Variants in STK39 observed in about 807,000 individuals in gnomAD.
The protein encoded by STK39 is serine/threonine kinase 39.
In STK39, 20 loss-of-function variants were observed where a neutral mutation model predicts 77.8. The ratio of observed to expected loss-of-function variants is 0.26; its 90% CI spans 0.18 to 0.37. The LOEUF (loss-of-function observed/expected upper bound fraction) is 0.37, where lower values mean the gene tolerates loss of function less well. STK39 is among the 10% of genes least tolerant of loss of function. STK39 has a pLI of 1.00. For missense variants in STK39, 479 were observed against 656.5 expected (o/e 0.73, Z 2.95); for synonymous variants, 246 against 234.1 (o/e 1.05, Z -0.47).
intron 14 of STK39, among the ~76,000 whole-genome samples, chr2:168,021,048 G>A (rs1684558117): frequency 1.3e-5 from 2 of 152,086 alleles, no homozygotes; most frequent in African/African-American, 4.8e-5. Context: ...TTTATAATGT[G>A]TTTAATAATA....
intron 5 of STK39, among the ~76,000 whole-genome samples, chr2:168,146,042 T>C (rs1517330): frequency 0.41 from 62,911 of 152,058 alleles, 14,551 homozygotes; most frequent in East Asian, 0.67. Flanking sequence ...TCCAGTCCAG[T>C]CCAACTGTAG....
chr2:168,102,932 A>G (rs1460293778), intron 10 of STK39, among the ~76,000 whole-genome samples: 1 of 124,370 alleles, frequency 8.0e-6, no homozygotes, highest in Admixed American at 8.6e-5. Context: ...TCCGTCTCAA[A>G]AAAAAAAAAA....
intron 16 of STK39, among the ~76,000 whole-genome samples, chr2:168,006,948 A>C (rs1311184038): frequency 6.6e-6 from 1 of 152,220 alleles, no homozygotes; most frequent in African/African-American, 2.4e-5. Context: ...GCTACCCTGA[A>C]GCTAGGTATT....
chr2:168,135,326 C>T (rs1400638), intron 8 of STK39, among the ~76,000 whole-genome samples: 36,824 of 152,048 alleles, frequency 0.24, 5,114 homozygotes, highest in Non-Finnish European at 0.31. Flanking sequence ...GGGCACTGTG[C>T]TATGAGTTTG....
rs1456486232 is a variant in STK39, at chr2:168,089,200, CAA to C, written c.1090-13971_1090-13970del. ...TTCACTAATCAGGTAAGTTCCTAGG[CAA>C]AGAGTGTCCTAGAATGTTTTGCTAA... is the stretch of plus-strand genomic sequence containing the variant. On this transcript the variant is annotated intron_variant, in intron 10 of 17. Coordinates refer to ENST00000355999, the MANE Select transcript of STK39 (RefSeq NM_013233.3). Among the ~76,000 whole-genome samples, 5 of 152,188 alleles carry C rather than the reference CAA, an allele frequency of 3.3e-5. No individual in the cohort carries two copies. The East Asian group carries it at 9.6e-4, about 29-fold the overall frequency.
chr2:168,052,929 C>T (rs746279532), intron 14 of STK39, among the ~76,000 whole-genome samples: 1 of 152,230 alleles, frequency 6.6e-6, no homozygotes, highest in East Asian at 1.9e-4. Context: ...AGCGAGGAAG[C>T]GGTGTCTGCT....
intron 14 of STK39, among the ~76,000 whole-genome samples, chr2:168,019,966 A>G (rs943231006): frequency 2.6e-5 from 4 of 152,230 alleles, no homozygotes; most frequent in East Asian, 1.9e-4. Context: ...CAGCCTCCCA[A>G]AGTGTTGGGA....
chr2:168,011,035 C>T (rs141104668), intron 16 of STK39, among the ~76,000 whole-genome samples: 2,117 of 152,220 alleles, frequency 0.014, 53 homozygotes, highest in African/African-American at 0.048. Context: ...TGGTGGCTCA[C>T]GCCTGTAATC....
At chr2:168,111,718 A>T (rs893399661) in intron 10 of STK39, among the ~76,000 whole-genome samples, 4 of 152,338 alleles carry the variant, frequency 2.6e-5, no homozygotes, top group African/African-American at 9.6e-5. Context: ...ATTCAAAGAA[A>T]AGTTTGCAAT....
chr2:168,151,718 G>A (rs918446567), intron 5 of STK39, among the ~76,000 whole-genome samples: 5 of 145,564 alleles, frequency 3.4e-5, no homozygotes, highest in South Asian at 2.3e-4. Context: ...CAGCCTGGGC[G>A]ACAGAGTGAG....
In STK39 at chr2:168,161,873, T is replaced by C. The variant is rs199718102; in HGVS notation, c.573-31A>G. 226 of 1,557,794 alleles carry C rather than the reference T, an allele frequency of 1.5e-4. No homozygotes were observed. In the African/African-American group the frequency reaches 2.7e-3, roughly 19 times the overall value. Reference sequence around the variant, plus strand: ...AGAAAAAAAAATAGAAAATAAATTGTAGGGTACAGACTTTATAGTGTATTG... The same window carrying C: ...AGAAAAAAAAATAGAAAATAAATTGCAGGGTACAGACTTTATAGTGTATTG... On this transcript the variant is annotated intron_variant, in intron 4 of 17. Transcript: ENST00000355999.
chr2:168,206,362 G>A (rs968550147), intron 1 of STK39, among the ~76,000 whole-genome samples: 3 of 150,530 alleles, frequency 2.0e-5, no homozygotes, highest in African/African-American at 4.9e-5. Flanking sequence ...GTGCAATGGC[G>A]CGATCTCAGC....
At chr2:168,200,684 A>AAAAATAAAATAAAAT (rs57515359) in intron 1 of STK39, among the ~76,000 whole-genome samples, 4,770 of 150,124 alleles carry the variant, frequency 0.032, 230 homozygotes, top group African/African-American at 0.11. Flanking sequence ...CTCAAAACAT[A>AAAAATAAAATAAAAT]AAAATAAAAT....
intron 14 of STK39, among the ~76,000 whole-genome samples, chr2:168,060,789 T>C (rs139808313): frequency 3.1e-3 from 478 of 152,312 alleles, no homozygotes; most frequent in African/African-American, 0.011. Flanking sequence ...TTAAAAGGCA[T>C]TGAATTTGTT....
chr2:168,223,197 T>C (rs916816590), intron 1 of STK39, among the ~76,000 whole-genome samples: 10 of 152,098 alleles, frequency 6.6e-5, no homozygotes, highest in East Asian at 1.9e-4. Context: ...ACTTTAAAAA[T>C]AGGGACCTTT....
rs530690868 is a variant in STK39 at position 168,204,869 on chromosome 2, C to T, written c.209-22779G>A. On this transcript the variant is annotated intron_variant, in intron 1 of 17. Transcript: ENST00000355999. ...CTTTTTCACTACACCCAACAAAATA[C>T]TCTCCGCAAGTTCCCTGGGCTGTCA... Among the ~76,000 whole-genome samples the T allele has an allele frequency of 8.5e-5, 13 of 152,314 alleles. No homozygotes were observed. In the South Asian group the frequency reaches 2.1e-3, roughly 24 times the overall value.
rs375656396 is a variant in STK39, at chr2:168,180,204, G to A, written c.321+1774C>T. Among the ~76,000 whole-genome samples the A allele has an allele frequency of 5.1e-3, 773 of 152,120 alleles. 7 individuals carry two copies. The highest frequency in any genetic ancestry group is 0.016 in the African/African-American group (654 of 41,480). On this transcript the variant is annotated intron_variant, in intron 2 of 17. Coordinates refer to ENST00000355999, the MANE Select transcript of STK39 (RefSeq NM_013233.3). The stretch of plus-strand genomic sequence containing the variant: ...TCTACTAAAAATACAAAAATTAGCC[G>A]GGCGTGGTGGTGCATGTCTGTAATC...
At position 168,220,382 on chromosome 2, in the gene STK39, AGAGGG is replaced by A. The variant is rs529557481; in HGVS notation, c.208+26841_208+26845del. Among the ~76,000 whole-genome samples, 7 of 152,304 alleles carry A rather than the reference AGAGGG, an allele frequency of 4.6e-5. No individual in the cohort carries two copies. The South Asian group carries it at 1.4e-3, about 32-fold the overall frequency. ...TCTAAGCAGCACAGCATAATGGTTA[AGAGGG>A]GATTTACAGACTCTGGAGAGTGAGA... On this transcript the variant is annotated intron_variant, in intron 1 of 17. Coordinates refer to ENST00000355999, the MANE Select transcript of STK39 (RefSeq NM_013233.3).
chr2:167,955,514 A>G lies in STK39; in HGVS notation c.1620T>C (p.Ala540=), dbSNP rs769036508. Reference sequence around the variant, plus strand: ...ACATACATCAGCTGACACTCAACTGAGCAAACCCAATCAGCTTCACTTCAT... The same window carrying G: ...ACATACATCAGCTGACACTCAACTGGGCAAACCCAATCAGCTTCACTTCAT... ...IPDEVKLIGF[A]QLSVS Residue 540 remains alanine (A), a synonymous_variant, in exon 18 of 18, where the codon GCT becomes GCC. Coordinates refer to ENST00000355999, the MANE Select transcript of STK39 (RefSeq NM_013233.3). 6.2e-7 allele frequency: 1 copy of G among 1,613,938 alleles called. No homozygotes were observed. Among genetic ancestry groups the G allele is most frequent in the East Asian group, 2.2e-5 (1 of 44,878 alleles).
Sources: gnomAD v4.1 joint callset for allele counts (sites outside exome capture counted in the v4.1 genomes callset) on GRCh38, gnomAD v4.1.1 for gene constraint, MANE v1.5 for transcripts, NCBI Gene and HGNC (gene_info 2026-07-23, HGNC 2026-07-21) for gene names.